KLF8: variants seen among roughly 807,000 people sequenced by gnomAD.
KLF8 encodes the protein Krueppel-like factor 8.
In KLF8, 10 loss-of-function variants were observed where a neutral mutation model predicts 18.2. The ratio of observed to expected loss-of-function variants is 0.55; its 90% CI spans 0.34 to 0.93. The LOEUF (loss-of-function observed/expected upper bound fraction) is 0.93. KLF8 is among the 40% of genes least tolerant of loss of function. The pLI is 0.02. For missense variants in KLF8, 264 were observed against 277.9 expected (o/e 0.95, Z 0.36); for synonymous variants, 109 against 97.3 (o/e 1.12, Z -0.71).
the KLF8 span, among the ~76,000 whole-genome samples, chrX:55,960,577 GAGGAGGAGGAGA>G: frequency 1.4e-5 from 1 of 73,767 alleles, no homozygotes; most frequent in Non-Finnish European, 3.0e-5. Context: ...GAAGAAGGAG[GAGGAGGAGGAGA>G]AGAAGGAGAA....
the KLF8 span, among the ~76,000 whole-genome samples, chrX:56,058,750 A>T: frequency 9.0e-6 from 1 of 111,193 alleles, no homozygotes; most frequent in Non-Finnish European, 1.9e-5. Context: ...CCAGTCTATC[A>T]TTGATGGGCA....
the KLF8 span, among the ~76,000 whole-genome samples, chrX:56,008,423 G>A: frequency 9.0e-6 from 1 of 111,381 alleles, no homozygotes; most frequent in Non-Finnish European, 1.9e-5. Context: ...GGAGCCACGT[G>A]GGGCAAGGGG....
chrX:55,968,566 G>T, the KLF8 span, among the ~76,000 whole-genome samples: 1 of 111,850 alleles, frequency 8.9e-6, no homozygotes, highest in Non-Finnish European at 1.9e-5. Context: ...CACATGTCAT[G>T]GGAGGGACCC....
the KLF8 span, among the ~76,000 whole-genome samples, chrX:56,027,264 G>T: frequency 8.9e-6 from 1 of 111,922 alleles, no homozygotes; most frequent in Non-Finnish European, 1.9e-5. Flanking sequence ...TGCCCAGTAG[G>T]GAGTAGATGC....
At chrX:56,148,007 G>A in the KLF8 span, among the ~76,000 whole-genome samples, 2 of 111,709 alleles carry the variant, frequency 1.8e-5, no homozygotes, top group South Asian at 7.4e-4. Flanking sequence ...GAGAAGCAAT[G>A]GTTGCACAAC....
chrX:56,068,061 G>A, the KLF8 span, among the ~76,000 whole-genome samples: 1 of 112,223 alleles, frequency 8.9e-6, no homozygotes, highest in African/African-American at 3.2e-5. Flanking sequence ...TCTCCCTTTT[G>A]TGTGAACTCA....
the KLF8 span, among the ~76,000 whole-genome samples, chrX:55,984,902 T>C: frequency 3.6e-5 from 4 of 111,745 alleles, no homozygotes; most frequent in Admixed American, 9.5e-5. Context: ...CATATGTTTC[T>C]TGGTTGCAGG....
chrX:56,183,934 C>T, the KLF8 span, among the ~76,000 whole-genome samples: 23 of 111,615 alleles, frequency 2.1e-4, no homozygotes, highest in East Asian at 3.7e-3. Flanking sequence ...ACAGCTCCCA[C>T]CATGAGCGAT....
the KLF8 span, among the ~76,000 whole-genome samples, chrX:56,199,004 T>C: frequency 3.6e-5 from 4 of 111,749 alleles, no homozygotes; most frequent in African/African-American, 6.5e-5. Flanking sequence ...ATTCCCTATT[T>C]AATAAATGGT....
the KLF8 span, among the ~76,000 whole-genome samples, chrX:56,058,447 G>C: frequency 3.0e-5 from 3 of 101,201 alleles, no homozygotes; most frequent in African/African-American, 7.2e-5. Flanking sequence ...CCATCAGCCC[G>C]TCACCTACAT....
the KLF8 span, among the ~76,000 whole-genome samples, chrX:56,205,615 A>G: frequency 8.9e-6 from 1 of 111,993 alleles, no homozygotes; most frequent in Non-Finnish European, 1.9e-5. Flanking sequence ...ATTGGCCTGT[A>G]ATTTTTTTAT....
At chrX:56,184,565 GCCT>G in the KLF8 span, among the ~76,000 whole-genome samples, 1 of 112,309 alleles carries the variant, frequency 8.9e-6, no homozygotes, top group Non-Finnish European at 1.9e-5. Context: ...TGGGCAGACT[GCCT>G]CCTCAAGTGC....
chrX:56,221,827 T>C, the KLF8 span, among the ~76,000 whole-genome samples: 1 of 111,684 alleles, frequency 9.0e-6, no homozygotes, highest in Admixed American at 9.4e-5. Flanking sequence ...TTCCACAGTT[T>C]GGAAGGGGAC....
the KLF8 span, among the ~76,000 whole-genome samples, chrX:55,994,748 G>T: frequency 8.9e-6 from 1 of 111,787 alleles, no homozygotes; most frequent in Non-Finnish European, 1.9e-5. Flanking sequence ...TCTTGGTATT[G>T]ATTTCTATGT....
At chrX:56,174,378 G>T in the KLF8 span, among the ~76,000 whole-genome samples, 1 of 111,912 alleles carries the variant, frequency 8.9e-6, no homozygotes, top group Non-Finnish European at 1.9e-5. Flanking sequence ...CTTTGGTTCT[G>T]TTTGTATGTT....
At chrX:56,212,087 A>G in the KLF8 span, among the ~76,000 whole-genome samples, 4 of 111,270 alleles carry the variant, frequency 3.6e-5, no homozygotes, top group Non-Finnish European at 7.5e-5. Context: ...CTTCTGGCCC[A>G]CGATGTGTCT....
chrX:56,092,390 G>A, the KLF8 span, among the ~76,000 whole-genome samples: 1 of 111,105 alleles, frequency 9.0e-6, no homozygotes. Context: ...CCAATGTCCA[G>A]GACAGTTTTC....
the KLF8 span, among the ~76,000 whole-genome samples, chrX:56,187,658 C>A: frequency 9.0e-6 from 1 of 110,855 alleles, no homozygotes; most frequent in Non-Finnish European, 1.9e-5. Flanking sequence ...AGCAGCACAT[C>A]AAAAAACTTA....
chrX:56,275,271 A>G (rs1342962129), intron 5 of KLF8, among the ~76,000 whole-genome samples: 9 of 111,366 alleles, frequency 8.1e-5, no homozygotes, highest in African/African-American at 2.9e-4. Context: ...ATTGTAAATG[A>G]GATTATTTCT....
Sources: allele counts gnomAD v4.1 joint callset (sites outside exome capture counted in the v4.1 genomes callset), GRCh38; gene constraint gnomAD v4.1.1; transcripts MANE v1.5; gene names NCBI Gene and HGNC (gene_info 2026-07-23, HGNC 2026-07-21).